Variants in EMP2 observed in about 807,000 individuals in gnomAD.
EMP2 encodes the protein epithelial membrane protein 2.
EMP2 carries 19 observed loss-of-function variants against 13.7 expected under a neutral mutation model. The observed-to-expected ratio is 1.38, with a 90% CI of 0.97 to 2.03. The LOEUF is 2.03. Ranked by LOEUF, EMP2 falls within the 30% of genes most tolerant of loss-of-function variation. The probability of loss-of-function intolerance (pLI) is 0.00; values close to 1 mark genes in which losing one functional copy is unlikely to be tolerated. For missense variants in EMP2, 253 were observed against 220.7 expected, an observed-to-expected ratio of 1.15 and a Z score of -0.93; for synonymous variants, 97 against 84.7, an observed-to-expected ratio of 1.15 and a Z score of -0.80.
intron 1 of EMP2, among the ~76,000 whole-genome samples, chr16:10,548,939 C>T (rs542732091): frequency 9.2e-5 from 14 of 152,238 alleles, no homozygotes; most frequent in Non-Finnish European, 1.8e-4. Flanking sequence ...TGGCCATTTC[C>T]AGGCTGATGA....
intron 1 of EMP2, among the ~76,000 whole-genome samples, chr16:10,552,498 G>C (rs2050795775): frequency 6.6e-6 from 1 of 152,188 alleles, no homozygotes; most frequent in African/African-American, 2.4e-5. Flanking sequence ...CCAAGGAAAA[G>C]ACCCAGTTTG....
At chr16:10,555,475 G>C (rs1417397970) in intron 1 of EMP2, among the ~76,000 whole-genome samples, 1 of 152,142 alleles carries the variant, frequency 6.6e-6, no homozygotes, top group Non-Finnish European at 1.5e-5. Flanking sequence ...TTTTAAAAAT[G>C]TTTTGATCTA....
chr16:10,535,982 G>A (rs561432364), intron 4 of EMP2, among the ~76,000 whole-genome samples: 36 of 152,246 alleles, frequency 2.4e-4, no homozygotes, highest in African/African-American at 8.7e-4. Context: ...GGCAGGCTGG[G>A]GCCTTGGGAG....
At chr16:10,557,804 G>A (rs1420346088) in intron 1 of EMP2, among the ~76,000 whole-genome samples, 1 of 152,078 alleles carries the variant, frequency 6.6e-6, no homozygotes, top group Non-Finnish European at 1.5e-5. Context: ...TACAACTTCA[G>A]ACATAAGTTT....
intron 4 of EMP2, among the ~76,000 whole-genome samples, chr16:10,533,423 C>G (rs145166667): frequency 6.6e-6 from 1 of 152,064 alleles, no homozygotes; most frequent in African/African-American, 2.4e-5. Context: ...TGTCACCTAC[C>G]CTGTAGCTAT....
At chr16:10,572,553 C>G (rs1212870098) in intron 1 of EMP2, among the ~76,000 whole-genome samples, 2 of 152,124 alleles carry the variant, frequency 1.3e-5, no homozygotes, top group Non-Finnish European at 2.9e-5. Flanking sequence ...GTTCACTACC[C>G]GGCACATAGT....
intron 4 of EMP2, among the ~76,000 whole-genome samples, chr16:10,533,514 C>G (rs1326235737): frequency 6.6e-6 from 1 of 152,164 alleles, no homozygotes; most frequent in Non-Finnish European, 1.5e-5. Context: ...CATAATTGGT[C>G]TAAGCCAGAG....
At chr16:10,542,168 TG>T (rs573006579) in intron 3 of EMP2, among the ~76,000 whole-genome samples, 1 of 151,986 alleles carries the variant, frequency 6.6e-6, no homozygotes, top group African/African-American at 2.4e-5. Flanking sequence ...TAGGCTGAGG[TG>T]GGCAGATCTC....
At chr16:10,541,658 G>A (rs2050699726) in intron 3 of EMP2, among the ~76,000 whole-genome samples, 1 of 152,164 alleles carries the variant, frequency 6.6e-6, no homozygotes, top group African/African-American at 2.4e-5. Flanking sequence ...CTGTTCCCAG[G>A]GCCAGAGGTT....
intron 3 of EMP2, among the ~76,000 whole-genome samples, chr16:10,542,337 G>A (rs911620561): frequency 1.8e-4 from 27 of 152,270 alleles, no homozygotes; most frequent in Middle Eastern, 3.4e-3. Flanking sequence ...GGTCAAGGCT[G>A]CAGTGAGTCG....
At chr16:10,549,873 TTTTC>T (rs1448432236) in intron 1 of EMP2, among the ~76,000 whole-genome samples, 5 of 147,952 alleles carry the variant, frequency 3.4e-5, no homozygotes, top group Non-Finnish European at 5.9e-5. Context: ...TTTTCTTTTT[TTTTC>T]TTTTTCTTTT....
chr16:10,536,231 T>C (rs2050646214), intron 4 of EMP2, among the ~76,000 whole-genome samples: 1 of 152,210 alleles, frequency 6.6e-6, no homozygotes, highest in South Asian at 2.1e-4. Flanking sequence ...TCAGTGTTTT[T>C]ATTTTATATT....
chr16:10,533,135 A>C lies in EMP2; in HGVS notation c.317-43T>G, dbSNP rs201644940. 136 of 1,476,016 alleles carry C rather than the reference A, an allele frequency of 9.2e-5. 1 individual carries two copies. The Admixed American group carries it at 2.7e-3, about 29-fold the overall frequency. The allele number at this position is 1,476,016 out of a possible 1,614,324, so 91.4% of individuals were successfully genotyped here. A position where few individuals can be genotyped will look rare whatever the true frequency, so the allele number is the denominator to read the frequency against. On this transcript the variant is annotated intron_variant, in intron 4 of 4. Coordinates refer to ENST00000359543, the MANE Select transcript of EMP2 (RefSeq NM_001424.6). ...GAATTTTCAATAAATCATGGACCAC[A>C]GTGCACCCTGGGTAGCCCAGGGGCA...
intron 1 of EMP2, among the ~76,000 whole-genome samples, chr16:10,579,631 CTG>C (rs898918786): frequency 1.4e-4 from 21 of 151,984 alleles, no homozygotes; most frequent in Non-Finnish European, 1.9e-4. Flanking sequence ...TGGAATCACA[CTG>C]TATTTGAACT....
rs961487755 is a variant in EMP2 at position 10,530,564 on chromosome 16, C to T, written c.*2341G>A. Reference sequence around the variant, plus strand: ...GAAAAAGACAATGAGGTGCAAAGAGCTTATCTCCTGGGATGGTTCCTGGGT... The same window carrying T: ...GAAAAAGACAATGAGGTGCAAAGAGTTTATCTCCTGGGATGGTTCCTGGGT... On this transcript the variant is annotated 3_prime_UTR_variant, in exon 5 of 5. Coordinates refer to ENST00000359543, the MANE Select transcript of EMP2 (RefSeq NM_001424.6). 6.6e-6 allele frequency: 1 copy of T among 152,572 alleles called. No homozygotes were observed. The highest frequency in any genetic ancestry group is 1.5e-5 in the Non-Finnish European group (1 of 68,072). 9.5% of individuals were successfully genotyped at this position (152,572 alleles called of 1,614,324 possible). A position where few individuals can be genotyped will look rare whatever the true frequency, so the allele number is the denominator to read the frequency against.
chr16:10,538,212 C>T, intron 3 of EMP2, 138 bp from the exon 4 acceptor site: 6 of 1,072,112 alleles, frequency 5.6e-6, no homozygotes, highest in Admixed American at 2.5e-5. Flanking sequence ...TCTACATGGT[C>T]TGAGCACAAG....
In EMP2 at chr16:10,530,766, CTCTCACCGCATTTACTG is replaced by C. The variant is rs1357927121; in HGVS notation, c.*2122_*2138del. ...TTGAAAACTCCAGCTCTATGGGACC[CTCTCACCGCATTTACTG>C]TCGGGACCATGGGCCCCTCCACAGA... On this transcript the variant is annotated 3_prime_UTR_variant, in exon 5 of 5. Transcript: ENST00000359543. The C allele has an allele frequency of 6.6e-6, 1 of 152,184 alleles. No individual in the cohort carries two copies. Among genetic ancestry groups the C allele is most frequent in the African/African-American group, 2.4e-5 (1 of 41,438 alleles). The allele number at this position is 152,184 out of a possible 1,614,324, so 9.4% of individuals were successfully genotyped here. A position where few individuals can be genotyped will look rare whatever the true frequency, so the allele number is the denominator to read the frequency against.
intron 4 of EMP2, among the ~76,000 whole-genome samples, chr16:10,535,295 G>A (rs1378307252): frequency 6.6e-6 from 1 of 152,150 alleles, no homozygotes; most frequent in Non-Finnish European, 1.5e-5. Flanking sequence ...AAAATGGGAA[G>A]ACGTGACTTT....
intron 1 of EMP2, among the ~76,000 whole-genome samples, chr16:10,560,923 A>G (rs1252163285): frequency 6.6e-6 from 1 of 152,214 alleles, no homozygotes. Flanking sequence ...AGGAGAGCAA[A>G]TGTTATCCTG....
Sources: allele counts gnomAD v4.1 joint callset (sites outside exome capture counted in the v4.1 genomes callset), GRCh38; gene constraint gnomAD v4.1.1; transcripts MANE v1.5; gene names NCBI Gene and HGNC (gene_info 2026-07-23, HGNC 2026-07-21).